The following VRK2 variants were observed in gnomAD, a reference collection of about 807,000 sequenced individuals.
VRK2 encodes serine/threonine-protein kinase VRK2.
In VRK2, 60 loss-of-function variants were observed where a neutral mutation model predicts 57.6. The ratio of observed to expected loss-of-function variants is 1.04; its 90% confidence interval spans 0.85 to 1.29. The LOEUF (loss-of-function observed/expected upper bound fraction) is 1.29, where lower values mean the gene tolerates loss of function less well. Among genes scored for constraint, VRK2 ranks in the 50% most tolerant of loss-of-function variants. The pLI is 0.00. For synonymous variants in VRK2, 231 were observed against 199.2 expected (o/e 1.16, Z -1.35); for missense variants, 705 against 588.1 (o/e 1.20, Z -2.06).
chr2:57,982,010 G>A (rs1417537344), intron 1 of VRK2, among the ~76,000 whole-genome samples: 1 of 152,174 alleles, frequency 6.6e-6, no homozygotes, highest in East Asian at 1.9e-4. Flanking sequence ...CATCTGTGTG[G>A]GCTGATGTTC....
At chr2:58,105,128 A>G (rs1674549902) in intron 7 of VRK2, among the ~76,000 whole-genome samples, 1 of 151,928 alleles carries the variant, frequency 6.6e-6, no homozygotes, top group South Asian at 2.1e-4. Context: ...AACAAGGGAA[A>G]GCTCTTGTGG....
At chr2:58,146,553 T>G (rs1446248479) in intron 12 of VRK2, 79 bp downstream of exon 12, 2 of 1,491,946 alleles carry the variant, frequency 1.3e-6, no homozygotes, top group Admixed American at 2.1e-5. Flanking sequence ...AAACATCTTA[T>G]TTTCTCCTGA....
intron 3 of VRK2, among the ~76,000 whole-genome samples, chr2:58,035,497 G>C (rs557554729): frequency 6.6e-6 from 1 of 152,110 alleles, no homozygotes; most frequent in East Asian, 1.9e-4. Flanking sequence ...AGATTGTCCA[G>C]ATAGTTTCAG....
At chr2:58,121,027 A>G (rs559692921) in intron 7 of VRK2, among the ~76,000 whole-genome samples, 79 of 152,318 alleles carry the variant, frequency 5.2e-4, no homozygotes, top group Non-Finnish European at 2.6e-4. Flanking sequence ...GACTGGTACT[A>G]TTGCCCTTTG....
At chr2:57,915,525 G>A (rs951078785) in intron 1 of VRK2, among the ~76,000 whole-genome samples, 4 of 152,016 alleles carry the variant, frequency 2.6e-5, no homozygotes, top group Admixed American at 1.3e-4. Flanking sequence ...AAATAATATG[G>A]GGAAAAATGC....
At chr2:57,921,901 G>T (rs977852867) in intron 1 of VRK2, among the ~76,000 whole-genome samples, 1 of 151,958 alleles carries the variant, frequency 6.6e-6, no homozygotes, top group Admixed American at 6.6e-5. Flanking sequence ...ACATTTTCCT[G>T]TACTGAACTG....
At chr2:57,913,414 A>G (rs534058260) in intron 1 of VRK2, among the ~76,000 whole-genome samples, 37 of 152,288 alleles carry the variant, frequency 2.4e-4, no homozygotes, top group African/African-American at 8.7e-4. Flanking sequence ...TCCTCATCAA[A>G]AGATTATTAG....
chr2:58,025,753 C>A (rs1290145362), exon 2 of VRK2: 1 of 152,054 alleles, frequency 6.6e-6, no homozygotes, highest in Non-Finnish European at 1.5e-5. Context: ...GTTCAGTTTA[C>A]CAGAGAAAAG....
intron 1 of VRK2, among the ~76,000 whole-genome samples, chr2:57,916,218 C>G (rs910107847): frequency 6.6e-6 from 1 of 151,918 alleles, no homozygotes. Flanking sequence ...ACCAGCCTGA[C>G]CAACATGGAG....
chr2:58,122,559 G>A (rs529100505), intron 7 of VRK2, among the ~76,000 whole-genome samples: 7 of 152,330 alleles, frequency 4.6e-5, no homozygotes, highest in South Asian at 2.1e-4. Context: ...TCGTCTTCAC[G>A]TTGAGTACGC....
intron 2 of VRK2, among the ~76,000 whole-genome samples, chr2:58,076,394 T>C (rs1670113315): frequency 6.6e-6 from 1 of 152,038 alleles, no homozygotes; most frequent in South Asian, 2.1e-4. Flanking sequence ...TAATAAAGTG[T>C]TGAGTATCTC....
intron 1 of VRK2, among the ~76,000 whole-genome samples, chr2:57,941,683 G>A (rs1014027675): frequency 3.9e-5 from 6 of 152,130 alleles, no homozygotes. Context: ...TTTTACTAAA[G>A]AGATCAATCA....
At chr2:58,120,929 A>C (rs544043763) in intron 7 of VRK2, among the ~76,000 whole-genome samples, 1 of 152,280 alleles carries the variant, frequency 6.6e-6, no homozygotes, top group East Asian at 1.9e-4. Context: ...CTTTTGTTTC[A>C]CTGAAGTTTA....
intron 7 of VRK2, among the ~76,000 whole-genome samples, chr2:58,116,293 G>A (rs1281647264): frequency 6.6e-6 from 1 of 151,364 alleles, no homozygotes; most frequent in Non-Finnish European, 1.5e-5. Context: ...AAAGGAGGAC[G>A]CAAAGGAGGC....
At chr2:58,149,651 T>C (rs1254237106) in intron 12 of VRK2, among the ~76,000 whole-genome samples, 2 of 151,684 alleles carry the variant, frequency 1.3e-5, no homozygotes, top group Non-Finnish European at 3.0e-5. Context: ...TCTTTCACCA[T>C]TAAGTTAGCT....
chr2:57,974,252 A>T (rs997800720), intron 1 of VRK2, among the ~76,000 whole-genome samples: 2 of 151,994 alleles, frequency 1.3e-5, no homozygotes. Context: ...ATAAAGAAAT[A>T]TTTTATAATA....
intron 1 of VRK2, among the ~76,000 whole-genome samples, chr2:57,960,472 T>C (rs1293231655): frequency 6.6e-6 from 1 of 152,218 alleles, no homozygotes; most frequent in African/African-American, 2.4e-5. Context: ...ACATGAATGG[T>C]CTGGTGCATT....
chr2:58,000,011 C>G (rs780654778), intron 1 of VRK2, among the ~76,000 whole-genome samples: 2 of 150,698 alleles, frequency 1.3e-5, no homozygotes, highest in African/African-American at 2.4e-5. Flanking sequence ...CATGCACACA[C>G]GCACACACGC....
intron 1 of VRK2, among the ~76,000 whole-genome samples, chr2:57,927,365 C>T (rs1251747131): frequency 6.6e-6 from 1 of 151,598 alleles, no homozygotes; most frequent in African/African-American, 2.4e-5. Flanking sequence ...CAACCTTTGC[C>T]TCTCGGGTTG....
Sources: gnomAD v4.1 joint callset for allele counts (sites outside exome capture counted in the v4.1 genomes callset) on GRCh38, gnomAD v4.1.1 for gene constraint, MANE v1.5 for transcripts, NCBI Gene and HGNC (gene_info 2026-07-23, HGNC 2026-07-21) for gene names.